Variants in MAML1 observed in about 807,000 individuals in gnomAD.
The protein encoded by MAML1 is mastermind like transcriptional coactivator 1, also known as mastermind-like protein 1.
In MAML1, 14 loss-of-function variants were observed where a neutral mutation model predicts 77.1. The observed-to-expected ratio is 0.18, with a 90% confidence interval of 0.12 to 0.28. The LOEUF (loss-of-function observed/expected upper bound fraction) is 0.28. MAML1 is among the 10% of genes least tolerant of loss of function. MAML1 has a pLI of 1.00. For synonymous variants in MAML1, 516 were observed against 551.9 expected (o/e 0.93, Z 0.91); for missense variants, 1,217 against 1,327.8 (o/e 0.92, Z 1.30).
Position 179,769,008 on chromosome 5 carries a change from A to G in MAML1, c.1890A>G (p.Gln630=), listed in dbSNP as rs748449167. The change falls in exon 3 of 5, where the codon CAA becomes CAG. Residue 630 remains glutamine, a synonymous_variant. Coordinates refer to ENST00000292599, the MANE Select transcript of MAML1 (RefSeq NM_014757.5). This position sits in a 1 kb window ranked among gnomAD's most constrained non-coding sequence, Gnocchi z 4.2. Reference sequence around the variant, plus strand: ...AGCAGCATCAGTTGCTTTTGGACCAACAGAAACAAAGGGAGCAGCAGCAAA... The same window carrying G: ...AGCAGCATCAGTTGCTTTTGGACCAGCAGAAACAAAGGGAGCAGCAGCAAA... ...VMKQHQLLLD[Q]QKQREQQQKH... 1 of 1,614,208 alleles carries G rather than the reference A, an allele frequency of 6.2e-7. No homozygotes were observed. The highest frequency in any genetic ancestry group is 8.5e-7 in the Non-Finnish European group (1 of 1,180,052).
intron 1 of MAML1, among the ~76,000 whole-genome samples, chr5:179,758,620 G>A (rs1469323901): frequency 6.6e-6 from 1 of 151,880 alleles, no homozygotes; most frequent in African/African-American, 2.4e-5. Context: ...GAACTCCTGG[G>A]TTCAAGTGAT....
intron 4 of MAML1, among the ~76,000 whole-genome samples, chr5:179,772,325 G>T (rs1033189036): frequency 3.9e-5 from 6 of 152,088 alleles, no homozygotes; most frequent in Non-Finnish European, 8.8e-5. Context: ...CACCATGTTA[G>T]CCAGGCTGAT....
In MAML1 at chr5:179,766,741, G is replaced by A; in HGVS notation, c.1731G>A (p.Gln577=). Residue 577 remains glutamine (Q), a splice_region_variant and synonymous_variant, in exon 2 of 5, where the codon CAG becomes CAA. Coordinates refer to ENST00000292599, the MANE Select transcript of MAML1 (RefSeq NM_014757.5). This position sits in a 1 kb window ranked among gnomAD's most constrained non-coding sequence, Gnocchi z 4.0. ...TCCGATCACTGGTTCCACCTGGCCA[G>A]GTAAGTATGAGCCTTTGCTTTCTGT... ...MPFRSLVPPG[Q]EQNPSSVPVQ... The A allele has an allele frequency of 5.2e-6, 8 of 1,539,560 alleles. No individual in the cohort carries two copies. Among genetic ancestry groups the A allele is most frequent in the Non-Finnish European group, 7.0e-6 (8 of 1,141,132 alleles).
chr5:179,740,446 T>TA (rs1779259960), intron 1 of MAML1, among the ~76,000 whole-genome samples: 1 of 151,864 alleles, frequency 6.6e-6, no homozygotes, highest in African/African-American at 2.4e-5. Flanking sequence ...AATTTTTTTG[T>TA]ATTTTTTTTT....
Position 179,765,901 on chromosome 5 carries a change from T to G in MAML1, c.891T>G (p.Asn297Lys). The change falls in exon 2 of 5, where the codon AAT becomes AAG. Residue 297 changes from asparagine to lysine, a missense_variant. Asn to Lys is a moderately conservative substitution (Grantham distance 94). Transcript: ENST00000292599. ...ATQTPLAQDINIKTEFSPAAF... is the reference protein window; with the variant it reads ...ATQTPLAQDIKIKTEFSPAAF... ...AAACCCCCTTGGCACAGGACATTAATATTAAGACGGAATTCTCTCCAGCAG... is the reference window on the plus strand; with the variant it reads ...AAACCCCCTTGGCACAGGACATTAAGATTAAGACGGAATTCTCTCCAGCAG... 6.2e-7 allele frequency: 1 copy of G among 1,614,110 alleles called. No homozygotes were observed. Among genetic ancestry groups the G allele is most frequent in the Middle Eastern group, 1.6e-4 (1 of 6,062 alleles).
intron 1 of MAML1, among the ~76,000 whole-genome samples, chr5:179,755,383 CT>C (rs1270368702): frequency 1.3e-5 from 2 of 152,194 alleles, no homozygotes; most frequent in Non-Finnish European, 2.9e-5. Context: ...GAGCATTAGA[CT>C]TGGCCCTGGG....
intron 4 of MAML1, among the ~76,000 whole-genome samples, chr5:179,773,572 C>T (rs996480182): frequency 3.3e-5 from 5 of 152,392 alleles, no homozygotes; most frequent in East Asian, 1.9e-4. Flanking sequence ...GCGGATCTTG[C>T]GTTGGGTCCA....
At position 179,771,288 on chromosome 5, in the gene MAML1, C is replaced by T; in HGVS notation, c.2068+45C>T. ...CGAGCAGGGACAGGGGAGGCCGCTG[C>T]CTGGTGCTGGTTGAATCCCTGCTGT... On this transcript the variant is annotated intron_variant, in intron 4 of 4. Coordinates refer to ENST00000292599, the MANE Select transcript of MAML1 (RefSeq NM_014757.5). The surrounding 1 kb of genome is among the most constrained non-coding windows in gnomAD (Gnocchi z 4.7). 1 of 1,534,468 alleles carries T rather than the reference C, an allele frequency of 6.5e-7. No individual in the cohort carries two copies. Among genetic ancestry groups the T allele is most frequent in the Non-Finnish European group, 9.0e-7 (1 of 1,107,798 alleles).
At chr5:179,762,747 C>T (rs1425452009) in intron 1 of MAML1, among the ~76,000 whole-genome samples, 1 of 152,164 alleles carries the variant, frequency 6.6e-6, no homozygotes, top group Non-Finnish European at 1.5e-5. Context: ...GGCTCCAAGG[C>T]TCACTCATCC....
chr5:179,749,230 G>A (rs1389867424), intron 1 of MAML1, among the ~76,000 whole-genome samples: 12 of 152,142 alleles, frequency 7.9e-5, no homozygotes, highest in South Asian at 6.2e-4. Flanking sequence ...GGGTTCAAGC[G>A]ATTCTCCTGC....
intron 1 of MAML1, among the ~76,000 whole-genome samples, chr5:179,755,259 CAG>C (rs1280855763): frequency 6.6e-6 from 1 of 152,136 alleles, no homozygotes; most frequent in Admixed American, 6.5e-5. Context: ...TGTTAGTGAG[CAG>C]AGAGAGCGAG....
intron 1 of MAML1, among the ~76,000 whole-genome samples, chr5:179,744,418 C>T (rs912348207): frequency 3.1e-4 from 47 of 152,122 alleles, no homozygotes; most frequent in African/African-American, 1.0e-3. Flanking sequence ...AACCTCCTGA[C>T]CTCATGATCC....
Position 179,771,314 on chromosome 5 carries a change from C to A in MAML1, c.2068+71C>A. ...CTGGTGCTGGTTGAATCCCTGCTGT[C>A]TGCCCAGCTCTATGCCTTGACTTCA... On this transcript the variant is annotated intron_variant, in intron 4 of 4. Transcript: ENST00000292599. The surrounding 1 kb of genome is among the most constrained non-coding windows in gnomAD (Gnocchi z 4.7). The A allele has an allele frequency of 7.6e-7, 1 of 1,307,794 alleles. No individual in the cohort carries two copies. The highest frequency in any genetic ancestry group is 1.1e-6 in the Non-Finnish European group (1 of 903,486). 81.0% of individuals were successfully genotyped at this position (1,307,794 alleles called of 1,614,324 possible).
At chr5:179,739,922 T>C (rs1403451711) in intron 1 of MAML1, among the ~76,000 whole-genome samples, 1 of 152,216 alleles carries the variant, frequency 6.6e-6, no homozygotes, top group Non-Finnish European at 1.5e-5. Flanking sequence ...CTGTGTACAG[T>C]AGCGAATAGG....
intron 1 of MAML1, among the ~76,000 whole-genome samples, chr5:179,757,806 A>G (rs571165787): frequency 6.6e-6 from 1 of 152,342 alleles, no homozygotes; most frequent in Admixed American, 6.5e-5. Context: ...GAATCAATCT[A>G]TTTAACAATT....
In MAML1 at chr5:179,765,350, A is replaced by G; in HGVS notation, c.340A>G (p.Asn114Asp). Residue 114 changes from asparagine (N) to aspartate (D), a missense_variant, in exon 2 of 5, where the codon AAT becomes GAT. Coordinates refer to ENST00000292599, the MANE Select transcript of MAML1 (RefSeq NM_014757.5). ...GCATCTTCATGATACAGTTAAGAGGAATCTTGACAGCGCCACTTCCCCTCA... is the reference window on the plus strand; with the variant it reads ...GCATCTTCATGATACAGTTAAGAGGGATCTTGACAGCGCCACTTCCCCTCA... ...ATHLHDTVKRNLDSATSPQNG... is the reference protein window; with the variant it reads ...ATHLHDTVKRDLDSATSPQNG... 6.2e-7 allele frequency: 1 copy of G among 1,606,534 alleles called. No individual in the cohort carries two copies. The highest frequency in any genetic ancestry group is 8.5e-7 in the Non-Finnish European group (1 of 1,177,288).
At position 179,733,172 on chromosome 5, in the gene MAML1, G is replaced by T. The variant is rs1205030645; in HGVS notation, c.60G>T (p.Met20Ile). The change falls in exon 1 of 5, where the codon ATG becomes ATT. Residue 20 changes from methionine (M) to isoleucine (I), a missense_variant. By Grantham distance (10) the Met-to-Ile change is conservative. Transcript: ENST00000292599. ...CGCTGCCGCGGCACAGCGCGGTCAT[G>T]GAGCGCCTTCGCCGGCGCATCGAGC... ...EFALPRHSAV[M>I]ERLRRRIELC... The T allele has an allele frequency of 6.8e-7, 1 of 1,470,818 alleles. No individual in the cohort carries two copies. Among genetic ancestry groups the T allele is most frequent in the Non-Finnish European group, 9.0e-7 (1 of 1,114,316 alleles). The allele number at this position is 1,470,818 out of a possible 1,614,324, so 91.1% of individuals were successfully genotyped here.
chr5:179,768,016 A>T (rs944177083), intron 2 of MAML1, among the ~76,000 whole-genome samples: 4 of 152,182 alleles, frequency 2.6e-5, no homozygotes, highest in Admixed American at 2.6e-4. Flanking sequence ...TTTTTTGAGG[A>T]TGGGTATTTG....
intron 1 of MAML1, among the ~76,000 whole-genome samples, chr5:179,736,338 C>T (rs758850082): frequency 9.9e-5 from 15 of 151,834 alleles, no homozygotes; most frequent in Non-Finnish European, 1.8e-4. Context: ...CTGCAACCTC[C>T]GCCTCCCAGG....
Sources: allele counts gnomAD v4.1 joint callset (sites outside exome capture counted in the v4.1 genomes callset), GRCh38; gene constraint gnomAD v4.1.1; non-coding constraint Gnocchi (gnomAD v3.1); transcripts MANE v1.5; gene names NCBI Gene and HGNC (gene_info 2026-07-23, HGNC 2026-07-21).